The following SUV39H2 variants were observed in gnomAD, a reference collection of about 807,000 sequenced individuals.
SUV39H2 encodes the protein histone-lysine N-methyltransferase SUV39H2.
SUV39H2 carries 10 observed loss-of-function variants against 47.5 expected under a neutral mutation model. The observed-to-expected ratio is 0.21, with a 90% CI of 0.13 to 0.36. The LOEUF (loss-of-function observed/expected upper bound fraction) is 0.36. SUV39H2 is among the 10% of genes least tolerant of loss of function. The pLI is 1.00. For synonymous variants in SUV39H2, 159 were observed against 166.8 expected, an observed-to-expected ratio of 0.95 and a Z score of 0.36; for missense variants, 266 against 487.4, an observed-to-expected ratio of 0.55 and a Z score of 4.28.
At position 14,903,382 on chromosome 10, in the gene SUV39H2, G is replaced by A. The variant is rs562443984; in HGVS notation, c.*870G>A. 6.6e-6 allele frequency: 1 copy of A among 152,274 alleles called. No homozygotes were observed. Among genetic ancestry groups the A allele is most frequent in the Non-Finnish European group, 1.5e-5 (1 of 68,014 alleles). 9.4% of individuals were successfully genotyped at this position (152,274 alleles called of 1,614,324 possible). On this transcript the variant is annotated 3_prime_UTR_variant, in exon 6 of 6. Coordinates refer to ENST00000354919, the MANE Select transcript of SUV39H2 (RefSeq NM_001193424.2). The stretch of plus-strand genomic sequence containing the variant: ...TCTGATCTAAACGGTAAAACAAGCT[G>A]CCTGGAGAGCAGCTGTACCTAACAA...
At chr10:14,881,417 G>A (rs1469040024) in intron 1 of SUV39H2, 83 bp from the exon 2 acceptor site, 6 of 1,175,700 alleles carry the variant, frequency 5.1e-6, no homozygotes, top group Non-Finnish European at 6.5e-6. Flanking sequence ...TTGAAAGATG[G>A]GGAATAGAGG....
intron 2 of SUV39H2, among the ~76,000 whole-genome samples, chr10:14,881,905 C>G (rs1052609680): frequency 2.6e-5 from 4 of 152,190 alleles, no homozygotes; most frequent in African/African-American, 9.7e-5. Flanking sequence ...GTGTGGGTTA[C>G]CAGAGCAAAT....
At position 14,902,691 on chromosome 10, in the gene SUV39H2, CAT is replaced by C. The variant is rs930241335; in HGVS notation, c.*181_*182del. On this transcript the variant is annotated 3_prime_UTR_variant, in exon 6 of 6. Transcript: ENST00000354919. Reference sequence around the variant, plus strand: ...CTCTGAAAAGGGGGTCACTGGGTCTCATAGACTGATATGAAGTCGACATATTT... The same window carrying C: ...CTCTGAAAAGGGGGTCACTGGGTCTCAGACTGATATGAAGTCGACATATTT... The C allele has an allele frequency of 2.2e-4, 106 of 478,638 alleles. No individual in the cohort carries two copies. The South Asian group carries it at 3.1e-3, about 14-fold the overall frequency. The allele number at this position is 478,638 out of a possible 1,614,324, so 29.6% of individuals were successfully genotyped here.
chr10:14,890,157 A>G (rs910560836), intron 2 of SUV39H2, among the ~76,000 whole-genome samples: 2 of 152,226 alleles, frequency 1.3e-5, no homozygotes, highest in Non-Finnish European at 2.9e-5. Flanking sequence ...GTGGTTAAGA[A>G]CTAGAATAAC....
At chr10:14,885,236 G>T (rs1429357231) in intron 2 of SUV39H2, among the ~76,000 whole-genome samples, 1 of 152,108 alleles carries the variant, frequency 6.6e-6, no homozygotes, top group African/African-American at 2.4e-5. Context: ...TACCCTACAG[G>T]TATCCAAGTT....
chr10:14,897,004 A>G lies in SUV39H2; in HGVS notation c.336A>G (p.Pro112=), dbSNP rs1378728480. 6.2e-7 allele frequency: 1 copy of G among 1,614,168 alleles called. No individual in the cohort carries two copies. Among genetic ancestry groups the G allele is most frequent in the Non-Finnish European group, 8.5e-7 (1 of 1,180,046 alleles). ...SQVKKGKAIT[P]KDNNKTLKPA... Reference sequence around the variant, plus strand: ...TAAAGAAAGGCAAAGCAATAACTCCAAAAGACAATAACAAAACTTTGAAAC... The same window carrying G: ...TAAAGAAAGGCAAAGCAATAACTCCGAAAGACAATAACAAAACTTTGAAAC... Residue 112 remains proline, a synonymous_variant, in exon 3 of 6, where the codon CCA becomes CCG. Transcript: ENST00000354919.
chr10:14,878,989 C>T, intron 1 of SUV39H2, 70 bp downstream of exon 1: 2 of 1,340,732 alleles, frequency 1.5e-6, no homozygotes, highest in Non-Finnish European at 9.6e-7. Context: ...GGCGGCGGGG[C>T]CGTCCCGCGG....
rs548269489 is a variant in SUV39H2, at chr10:14,887,853, G to T, written c.177+6208G>T. On this transcript the variant is annotated intron_variant, in intron 2 of 5. Transcript: ENST00000354919. ...ATCTCACTTATCCTGGAGAGACTGG[G>T]CAGGTATCCCTGAGGAACTGATGTT... 1.9e-4 allele frequency among the ~76,000 whole-genome samples: 29 copies of T among 152,334 alleles called. No individual in the cohort carries two copies. In the South Asian group the frequency reaches 5.8e-3, roughly 30 times the overall value.
chr10:14,899,110 A>G (rs890710402), intron 3 of SUV39H2: 6 of 639,916 alleles, frequency 9.4e-6, no homozygotes, highest in Non-Finnish European at 1.4e-5. Context: ...ACTTGAGCCC[A>G]GGAGTTCCAG....
chr10:14,884,014 ATTCC>A (rs1375391287), intron 2 of SUV39H2, among the ~76,000 whole-genome samples: 1 of 152,208 alleles, frequency 6.6e-6, no homozygotes, highest in Admixed American at 6.5e-5. Flanking sequence ...TCAATACTTC[ATTCC>A]TTCTTATTGC....
chr10:14,893,147 G>T (rs1299355510), intron 2 of SUV39H2, among the ~76,000 whole-genome samples: 2 of 151,518 alleles, frequency 1.3e-5, no homozygotes, highest in Non-Finnish European at 2.9e-5. Context: ...GGGACTACAG[G>T]CGCCCGCCAC....
Position 14,902,507 on chromosome 10 carries a change from A to T in SUV39H2, c.1228A>T (p.Asn410Tyr). Reference protein sequence around the residue: ...CGAVTCRGYLN With the variant: ...CGAVTCRGYLY Reference sequence around the variant, plus strand: ...AGCTGTGACTTGCAGAGGTTACCTCAACTGAACTTTTTCAGGAAATAGAGC... The same window carrying T: ...AGCTGTGACTTGCAGAGGTTACCTCTACTGAACTTTTTCAGGAAATAGAGC... The change falls in exon 6 of 6, where the codon AAC becomes TAC. Residue 410 changes from asparagine (N) to tyrosine (Y), a missense_variant. Physicochemically the swap from Asn to Tyr is moderately radical, Grantham distance 143 (BLOSUM62 -2). Transcript: ENST00000354919. 4 of 1,568,816 alleles carry T rather than the reference A, an allele frequency of 2.5e-6. No individual in the cohort carries two copies. Among genetic ancestry groups the T allele is most frequent in the Non-Finnish European group, 3.4e-6 (4 of 1,163,308 alleles).
Position 14,897,184 on chromosome 10 carries a change from T to C in SUV39H2, c.516T>C (p.Ile172=). Residue 172 remains isoleucine, a synonymous_variant, in exon 3 of 6, where the codon ATT becomes ATC. Coordinates refer to ENST00000354919, the MANE Select transcript of SUV39H2 (RefSeq NM_001193424.2). ...LEGPPSDFYY[I]NEYKPAPGIS... ...GCCCACCTTCAGACTTCTATTACAT[T>C]AACGAATACAAACCAGCTCCTGGAA... The C allele has an allele frequency of 1.2e-6, 2 of 1,613,832 alleles. No individual in the cohort carries two copies. Among genetic ancestry groups the C allele is most frequent in the East Asian group, 4.5e-5 (2 of 44,888 alleles).
chr10:14,894,733 T>G (rs1030334774), intron 2 of SUV39H2, among the ~76,000 whole-genome samples: 1 of 152,176 alleles, frequency 6.6e-6, no homozygotes, highest in East Asian at 1.9e-4. Flanking sequence ...AATATTAAGA[T>G]GCAGATAGTG....
Position 14,897,213 on chromosome 10 carries a change from G to A in SUV39H2, c.545G>A (p.Ser182Asn). ...GAATACAAACCAGCTCCTGGAATCA[G>A]CTTAGTCAATGAAGCTACCTTTGGT... ...INEYKPAPGI[S>N]LVNEATFGCS... Residue 182 changes from serine to asparagine, a missense_variant, in exon 3 of 6, where the codon AGC (serine) becomes AAC (asparagine). Physicochemically the swap from Ser to Asn is conservative, Grantham distance 46. This residue lies in a region of SUV39H2 where 91 missense variants were observed against 110.9 expected (regional missense o/e 0.82). Coordinates refer to ENST00000354919, the MANE Select transcript of SUV39H2 (RefSeq NM_001193424.2). 6.2e-7 allele frequency: 1 copy of A among 1,613,844 alleles called. No homozygotes were observed. The highest frequency in any genetic ancestry group is 2.2e-5 in the East Asian group (1 of 44,890).
Position 14,897,529 on chromosome 10 carries a change from T to G in SUV39H2, c.849+12T>G, listed in dbSNP as rs751915446. 9 of 1,508,290 alleles carry G rather than the reference T, an allele frequency of 6.0e-6. No individual in the cohort carries two copies. Among genetic ancestry groups the G allele is most frequent in the Non-Finnish European group, 6.2e-6 (7 of 1,126,158 alleles). The allele number at this position is 1,508,290 out of a possible 1,614,324, so 93.4% of individuals were successfully genotyped here. A position where few individuals can be genotyped will look rare whatever the true frequency, so the allele number is the denominator to read the frequency against. On this transcript the variant is annotated intron_variant, in intron 3 of 5. Coordinates refer to ENST00000354919, the MANE Select transcript of SUV39H2 (RefSeq NM_001193424.2). Reference sequence around the variant, plus strand: ...AATATGTTGGAGAGGTATGTTTCATTTGCCACGTAGTAAATGATGGACATG... The same window carrying G: ...AATATGTTGGAGAGGTATGTTTCATGTGCCACGTAGTAAATGATGGACATG...
intron 1 of SUV39H2, 109 bp downstream of exon 1, chr10:14,879,028 C>A: frequency 7.6e-7 from 1 of 1,318,868 alleles, no homozygotes; most frequent in Middle Eastern, 2.9e-4. Context: ...TGGCGGTTCC[C>A]CGCCCGCCGC....
intron 2 of SUV39H2, among the ~76,000 whole-genome samples, chr10:14,886,781 A>G (rs1833223482): frequency 6.6e-6 from 1 of 152,276 alleles, no homozygotes; most frequent in Admixed American, 6.5e-5. Context: ...AAAGTTTGAC[A>G]AAGAAATAAC....
At chr10:14,892,371 GT>G (rs201692721) in intron 2 of SUV39H2, among the ~76,000 whole-genome samples, 1,604 of 152,284 alleles carry the variant, frequency 0.011, 32 homozygotes, top group African/African-American at 0.037. Flanking sequence ...TGTTATGGTT[GT>G]TTAAAATTTG....
Sources: allele counts gnomAD v4.1 joint callset (sites outside exome capture counted in the v4.1 genomes callset), GRCh38; gene constraint gnomAD v4.1.1; regional missense constraint gnomAD v4.1.1; transcripts MANE v1.5; gene names NCBI Gene and HGNC (gene_info 2026-07-23, HGNC 2026-07-21).